Variants in ULK4 observed in about 807,000 individuals in gnomAD.
The protein encoded by ULK4 is inactive serine/threonine-protein kinase ULK4.
Under a neutral mutation model 160.6 loss-of-function variants are expected in ULK4, and 133 were observed. The observed-to-expected ratio is 0.83, with a 90% confidence interval of 0.72 to 0.96. The LOEUF (loss-of-function observed/expected upper bound fraction) is 0.96. Among genes scored for constraint, ULK4 ranks in the 40% least tolerant of loss-of-function variants. The probability of loss-of-function intolerance (pLI) is 0.00; values close to 1 mark genes in which losing one functional copy is unlikely to be tolerated. For missense variants in ULK4, 1,580 were observed against 1,499.5 expected (o/e 1.05, Z -0.89); for synonymous variants, 534 against 539.8 (o/e 0.99, Z 0.15).
chr3:41,854,110 C>A (rs2042279463), intron 17 of ULK4: 1 of 152,198 alleles, frequency 6.6e-6, no homozygotes, highest in Non-Finnish European at 1.5e-5. Context: ...ATCAACCTTT[C>A]CTCTTCAAAT....
intron 17 of ULK4, among the ~76,000 whole-genome samples, chr3:41,860,603 T>C (rs1485274741): frequency 6.6e-6 from 1 of 152,208 alleles, no homozygotes; most frequent in African/African-American, 2.4e-5. Flanking sequence ...ATTTTCAGCC[T>C]GTGTGTGTCT....
chr3:41,897,760 T>C (rs1698214634), intron 14 of ULK4, among the ~76,000 whole-genome samples: 2 of 152,200 alleles, frequency 1.3e-5, no homozygotes, highest in African/African-American at 2.4e-5. Flanking sequence ...TTGACCAATA[T>C]AAACCCTTAG....
At chr3:41,342,306 G>A (rs987464063) in intron 35 of ULK4, among the ~76,000 whole-genome samples, 2 of 152,182 alleles carry the variant, frequency 1.3e-5, no homozygotes, top group African/African-American at 2.4e-5. Context: ...CTGCCTGGAA[G>A]GCTAACAGAC....
intron 22 of ULK4, among the ~76,000 whole-genome samples, chr3:41,751,706 G>A (rs1311921322): frequency 6.6e-6 from 1 of 152,216 alleles, no homozygotes; most frequent in East Asian, 1.9e-4. Context: ...CAGTTAAAGA[G>A]CTTCTGAAGC....
intron 4 of ULK4, among the ~76,000 whole-genome samples, chr3:41,932,387 A>C (rs149751987): frequency 6.6e-6 from 1 of 152,318 alleles, no homozygotes; most frequent in East Asian, 1.9e-4. Flanking sequence ...GAGGAAGCAT[A>C]ATGTAGCATT....
Position 41,331,935 on chromosome 3 carries a change from T to C in ULK4, c.3678+66144A>G, listed in dbSNP as rs570483251. Among the ~76,000 whole-genome samples the C allele has an allele frequency of 9.2e-5, 14 of 152,346 alleles. No homozygotes were observed. In the Middle Eastern group the frequency reaches 0.027, roughly 296 times the overall value. On this transcript the variant is annotated intron_variant, in intron 35 of 36. Transcript: ENST00000301831. Reference sequence around the variant, plus strand: ...GGAAATATACCAAAATTATAACTAATAATTTATCTAGGACTATGGTATGAT... The same window carrying C: ...GGAAATATACCAAAATTATAACTAACAATTTATCTAGGACTATGGTATGAT...
At chr3:41,548,035 G>C (rs1452688176) in intron 32 of ULK4, among the ~76,000 whole-genome samples, 3 of 152,142 alleles carry the variant, frequency 2.0e-5, no homozygotes, top group African/African-American at 7.2e-5. Context: ...AGTGTGTTCA[G>C]TGGGCCTAGG....
At chr3:41,492,538 G>C (rs2084821197) in intron 32 of ULK4, among the ~76,000 whole-genome samples, 1 of 147,924 alleles carries the variant, frequency 6.8e-6, no homozygotes, top group African/African-American at 2.6e-5. Context: ...AAAATAACCA[G>C]CTAACATCAT....
chr3:41,513,668 C>T (rs2085659725), intron 32 of ULK4, among the ~76,000 whole-genome samples: 1 of 152,134 alleles, frequency 6.6e-6, no homozygotes, highest in Admixed American at 6.5e-5. Context: ...TTCACAGCAA[C>T]CTGGATAGAA....
chr3:41,849,420 A>C (rs1166473623), intron 17 of ULK4, among the ~76,000 whole-genome samples: 1 of 152,248 alleles, frequency 6.6e-6, no homozygotes, highest in East Asian at 1.9e-4. Flanking sequence ...CACAGACTGT[A>C]TACAACATTC....
chr3:41,872,721 C>G (rs1619558), intron 17 of ULK4, among the ~76,000 whole-genome samples: 47,246 of 151,770 alleles, frequency 0.31, 10,745 homozygotes, highest in African/African-American at 0.65. Flanking sequence ...GAGCCCAGGC[C>G]TGGTTTTTAT....
chr3:41,629,834 A>T (rs966124246), intron 30 of ULK4, among the ~76,000 whole-genome samples: 24 of 151,702 alleles, frequency 1.6e-4, no homozygotes, highest in African/African-American at 3.7e-4. Context: ...CTATAAAAAA[A>T]AAAAATATAA....
intron 35 of ULK4, among the ~76,000 whole-genome samples, chr3:41,318,625 G>A (rs1237121575): frequency 1.3e-5 from 2 of 152,192 alleles, no homozygotes; most frequent in Non-Finnish European, 2.9e-5. Flanking sequence ...CAGAGTGCTA[G>A]TACAAAGAAA....
At chr3:41,346,124 C>T (rs921456255) in intron 35 of ULK4, among the ~76,000 whole-genome samples, 1 of 152,094 alleles carries the variant, frequency 6.6e-6, no homozygotes, top group African/African-American at 2.4e-5. Context: ...TCAAGACTCC[C>T]GGCTTCATCT....
intron 32 of ULK4, among the ~76,000 whole-genome samples, chr3:41,549,740 T>C (rs1399061546): frequency 2.6e-5 from 4 of 151,950 alleles, no homozygotes; most frequent in Non-Finnish European, 5.9e-5. Flanking sequence ...TAAGGCACAT[T>C]ATAGTCAAAC....
chr3:41,755,833 CT>C (rs1396384504), intron 21 of ULK4, among the ~76,000 whole-genome samples: 1 of 152,174 alleles, frequency 6.6e-6, no homozygotes, highest in East Asian at 1.9e-4. Flanking sequence ...GCTAACAATA[CT>C]GAATCAATGT....
intron 35 of ULK4, among the ~76,000 whole-genome samples, chr3:41,372,100 G>C (rs1247753537): frequency 6.6e-6 from 1 of 151,878 alleles, no homozygotes; most frequent in Non-Finnish European, 1.5e-5. Flanking sequence ...AGAGAAAAAA[G>C]AATGAAAAGG....
chr3:41,445,258 T>C (rs537317730), intron 34 of ULK4, among the ~76,000 whole-genome samples: 2,112 of 152,262 alleles, frequency 0.014, 17 homozygotes, highest in Middle Eastern at 0.02. Context: ...TCCATGCTCA[T>C]GGGTAGGAAG....
intron 32 of ULK4, among the ~76,000 whole-genome samples, chr3:41,528,496 T>C (rs1333329709): frequency 1.3e-5 from 2 of 152,184 alleles, no homozygotes; most frequent in African/African-American, 2.4e-5. Flanking sequence ...AAAATTTATT[T>C]ACCTGCCGAG....
Sources: allele counts gnomAD v4.1 joint callset (sites outside exome capture counted in the v4.1 genomes callset), GRCh38; gene constraint gnomAD v4.1.1; transcripts MANE v1.5; gene names NCBI Gene and HGNC (gene_info 2026-07-23, HGNC 2026-07-21).